Variants in EPB41L4A observed in about 807,000 individuals in gnomAD.
The protein encoded by EPB41L4A is erythrocyte membrane protein band 4.1 like 4A.
In EPB41L4A, 100 loss-of-function variants were observed where a neutral mutation model predicts 108.6. The observed-to-expected ratio is 0.92, with a 90% confidence interval of 0.78 to 1.09. The LOEUF (loss-of-function observed/expected upper bound fraction) is 1.09, where lower values mean the gene tolerates loss of function less well. Ranked by LOEUF, EPB41L4A falls within the 50% of genes least tolerant of loss-of-function variation. The pLI, the probability that EPB41L4A is intolerant of heterozygous loss-of-function variation, is 0.00. For synonymous variants in EPB41L4A, 319 were observed against 289.0 expected (o/e 1.10, Z -1.05); for missense variants, 1,030 against 842.7 (o/e 1.22, Z -2.75).
At chr5:112,401,707 A>T (rs1761762007) in intron 1 of EPB41L4A, among the ~76,000 whole-genome samples, 1 of 152,180 alleles carries the variant, frequency 6.6e-6, no homozygotes, top group Non-Finnish European at 1.5e-5. Context: ...GTAACCCAAG[A>T]AATGCAGCTG....
chr5:112,260,408 G>C (rs1751416789), intron 7 of EPB41L4A, among the ~76,000 whole-genome samples: 1 of 152,186 alleles, frequency 6.6e-6, no homozygotes, highest in Admixed American at 6.5e-5. Context: ...AGGACTCCCA[G>C]GTGATACTTC....
In EPB41L4A at chr5:112,163,130, C is replaced by T. The variant is rs750874783; in HGVS notation, c.*1860G>A. On this transcript the variant is annotated 3_prime_UTR_variant, in exon 23 of 23. Coordinates refer to ENST00000261486, the MANE Select transcript of EPB41L4A (RefSeq NM_022140.5). ...AAGAAAAGGTAGTTGAACTAGGTTG[C>T]TTATTGTTGTCTAGACAAGAGACCA... 2.6e-5 allele frequency: 4 copies of T among 152,120 alleles called. No individual in the cohort carries two copies. Among genetic ancestry groups the T allele is most frequent in the Non-Finnish European group, 5.9e-5 (4 of 68,020 alleles). The allele number at this position is 152,120 out of a possible 1,614,324, so 9.4% of individuals were successfully genotyped here. A position where few individuals can be genotyped will look rare whatever the true frequency, so the allele number is the denominator to read the frequency against.
chr5:112,362,917 A>ATT (rs5870499), intron 1 of EPB41L4A, among the ~76,000 whole-genome samples: 6,903 of 151,062 alleles, frequency 0.046, 470 homozygotes, highest in African/African-American at 0.15. Flanking sequence ...GATTATTATT[A>ATT]TTTTTTTTTA....
At chr5:112,269,265 T>TA (rs917433878) in intron 4 of EPB41L4A, among the ~76,000 whole-genome samples, 116 of 149,204 alleles carry the variant, frequency 7.8e-4, no homozygotes, top group Middle Eastern at 7.0e-3. Context: ...CTCACTGCAT[T>TA]AAAAAAAAAA....
chr5:112,330,608 T>C (rs998175282), intron 1 of EPB41L4A, among the ~76,000 whole-genome samples: 5 of 151,992 alleles, frequency 3.3e-5, no homozygotes, highest in Admixed American at 6.6e-5. Flanking sequence ...AACTGAGGAA[T>C]GGGGGGTAAC....
intron 1 of EPB41L4A, among the ~76,000 whole-genome samples, chr5:112,382,010 A>AGGAATGGAAGAAAT: frequency 6.6e-6 from 1 of 152,370 alleles, no homozygotes; most frequent in East Asian, 1.9e-4. Context: ...GATTTCTTCC[A>AGGAATGGAAGAAAT]GGAATGGAAG....
At chr5:112,170,239 T>C in intron 20 of EPB41L4A, 62 bp downstream of exon 20, 1 of 1,484,480 alleles carries the variant, frequency 6.7e-7, no homozygotes, top group East Asian at 2.3e-5. Flanking sequence ...ATTGAAGAAT[T>C]AGAATGGATT....
At chr5:112,166,079 A>C (rs1034915796) in intron 22 of EPB41L4A, among the ~76,000 whole-genome samples, 4 of 152,218 alleles carry the variant, frequency 2.6e-5, no homozygotes, top group African/African-American at 9.6e-5. Context: ...GACCTGAAAT[A>C]AGTACTATGT....
Position 112,234,905 on chromosome 5 carries a change from C to T in EPB41L4A, c.966-150G>A, listed in dbSNP as rs547425131. 1.8e-5 allele frequency: 14 copies of T among 786,882 alleles called. No individual in the cohort carries two copies. The African/African-American group carries it at 2.4e-4, about 14-fold the overall frequency. 48.7% of individuals were successfully genotyped at this position (786,882 alleles called of 1,614,324 possible). On this transcript the variant is annotated intron_variant, in intron 11 of 22. Coordinates refer to ENST00000261486, the MANE Select transcript of EPB41L4A (RefSeq NM_022140.5). ...AATTGATTCTCATTGCAATATTGAT[C>T]AAGGGAGTGGTTATTAAATTCTAGG...
At position 112,240,825 on chromosome 5, in the gene EPB41L4A, G is replaced by A. The variant is rs1749733339; in HGVS notation, c.796-15C>T. ...GTTTCGTTACACTAAGAGAGAAAGA[G>A]AGACAGAATATGAATAATGACCAGG... On this transcript the variant is annotated splice_polypyrimidine_tract_variant and intron_variant, in intron 9 of 22. Coordinates refer to ENST00000261486, the MANE Select transcript of EPB41L4A (RefSeq NM_022140.5). The A allele has an allele frequency of 6.7e-7, 1 of 1,503,446 alleles. No homozygotes were observed. The highest frequency in any genetic ancestry group is 1.2e-5 in the South Asian group (1 of 81,018). The allele number at this position is 1,503,446 out of a possible 1,614,324, so 93.1% of individuals were successfully genotyped here.
At position 112,153,586 on chromosome 5, in the gene EPB41L4A, G is replaced by A. The variant is rs910672642; in HGVS notation, n.994+4815C>T. Among the ~76,000 whole-genome samples, 566 of 149,342 alleles carry A rather than the reference G, an allele frequency of 3.8e-3. 5 individuals are homozygous for A. Among genetic ancestry groups the A allele is most frequent in the African/African-American group, 0.013 (551 of 40,834 alleles). On this transcript the variant is annotated intron_variant and non_coding_transcript_variant, in intron 12 of 13. Transcript: ENST00000507810. ...ATATACATATATATATAGAGAGAGA[G>A]AGAGAGAGAGAGCAAAAAATGACAG...
chr5:112,372,617 G>A (rs1428374066), intron 1 of EPB41L4A, among the ~76,000 whole-genome samples: 1 of 152,180 alleles, frequency 6.6e-6, no homozygotes, highest in Non-Finnish European at 1.5e-5. Context: ...GAGGATGGTG[G>A]GTGGAGGGGA....
chr5:112,300,564 C>T (rs1754286880), intron 2 of EPB41L4A, among the ~76,000 whole-genome samples: 1 of 152,102 alleles, frequency 6.6e-6, no homozygotes, highest in Non-Finnish European at 1.5e-5. Flanking sequence ...ATGCTTTTGC[C>T]TCACAGCTAC....
Position 112,345,933 on chromosome 5 carries a change from T to C in EPB41L4A, c.100-38443A>G, listed in dbSNP as rs538938234. On this transcript the variant is annotated intron_variant, in intron 1 of 22. Coordinates refer to ENST00000261486, the MANE Select transcript of EPB41L4A (RefSeq NM_022140.5). Reference sequence around the variant, plus strand: ...TATGTATTTTATAATTTAGGTAGTTTTGATATTTTTTAATTTTTAAAATAG... The same window carrying C: ...TATGTATTTTATAATTTAGGTAGTTCTGATATTTTTTAATTTTTAAAATAG... Among the ~76,000 whole-genome samples, 6 of 152,170 alleles carry C rather than the reference T, an allele frequency of 3.9e-5. No homozygotes were observed. In the East Asian group the frequency reaches 5.8e-4, roughly 15 times the overall value.
At chr5:112,248,892 T>C (rs1750434854) in intron 9 of EPB41L4A, among the ~76,000 whole-genome samples, 1 of 152,118 alleles carries the variant, frequency 6.6e-6, no homozygotes, top group African/African-American at 2.4e-5. Flanking sequence ...AATCCTGTAC[T>C]CTTGACAGGC....
chr5:112,332,690 C>T (rs1756642879), intron 1 of EPB41L4A, among the ~76,000 whole-genome samples: 1 of 152,162 alleles, frequency 6.6e-6, no homozygotes, highest in Admixed American at 6.5e-5. Context: ...GTCCCCCCTG[C>T]TAATTCTCGG....
At chr5:112,195,007 C>T (rs1404801404) in intron 16 of EPB41L4A, among the ~76,000 whole-genome samples, 1 of 152,154 alleles carries the variant, frequency 6.6e-6, no homozygotes, top group African/African-American at 2.4e-5. Flanking sequence ...CTCCCATCCG[C>T]CCCACTGAGA....
Position 112,286,855 on chromosome 5 carries a change from T to C in EPB41L4A, c.205-6532A>G, listed in dbSNP as rs544792045. 2.0e-5 allele frequency among the ~76,000 whole-genome samples: 3 copies of C among 148,624 alleles called. No homozygotes were observed. In the East Asian group the frequency reaches 6.1e-4, roughly 30 times the overall value. On this transcript the variant is annotated intron_variant, in intron 2 of 22. Transcript: ENST00000261486. ...TTTCACTTCTGTGCTTTGAAATAAA[T>C]CTCTGGATGAGAAAAAAAAAAAAAA...
chr5:112,282,568 T>C (rs981744451), intron 2 of EPB41L4A, among the ~76,000 whole-genome samples: 2 of 152,198 alleles, frequency 1.3e-5, no homozygotes, highest in Non-Finnish European at 2.9e-5. Flanking sequence ...CCTGCTGGGG[T>C]CTTGGAGAGC....
Sources: gnomAD v4.1 joint callset for allele counts (sites outside exome capture counted in the v4.1 genomes callset) on GRCh38, gnomAD v4.1.1 for gene constraint, MANE v1.5 for transcripts, NCBI Gene and HGNC (gene_info 2026-07-23, HGNC 2026-07-21) for gene names.